The following ITGA8 variants were observed in gnomAD, a reference collection of about 807,000 sequenced individuals.
ITGA8 encodes the protein integrin alpha-8.
In ITGA8, 91 loss-of-function variants were observed where a neutral mutation model predicts 142.3. That is an observed-to-expected ratio of 0.64 (90% CI 0.54 to 0.76). ITGA8 has a LOEUF of 0.76. Ranked by LOEUF, ITGA8 falls within the 30% of genes least tolerant of loss-of-function variation. The pLI, the probability that ITGA8 is intolerant of heterozygous loss-of-function variation, is 0.00. For synonymous variants in ITGA8, 505 were observed against 485.2 expected (o/e 1.04, Z -0.54); for missense variants, 1,406 against 1,327.7 (o/e 1.06, Z -0.92).
intron 26 of ITGA8, among the ~76,000 whole-genome samples, chr10:15,548,994 C>T (rs560775408): frequency 4.5e-4 from 69 of 152,156 alleles, no homozygotes; most frequent in African/African-American, 1.7e-3. Context: ...TGTTCCATAA[C>T]GTTCTTCTGT....
At chr10:15,529,479 C>A (rs966344702) in intron 28 of ITGA8, among the ~76,000 whole-genome samples, 3 of 152,132 alleles carry the variant, frequency 2.0e-5, no homozygotes, top group Non-Finnish European at 4.4e-5. Context: ...ATCTTGAAAA[C>A]CTTGGATTTT....
Position 15,578,399 on chromosome 10 carries a change from A to G in ITGA8, c.2373-2805T>C, listed in dbSNP as rs115945172. On this transcript the variant is annotated intron_variant, in intron 23 of 29. Transcript: ENST00000378076. ...GGGATGGATGTACCATGATTTGTTT[A>G]ACTATCAACCCATCAAAGGACATTT... Among the ~76,000 whole-genome samples, 1,453 of 152,258 alleles carry G rather than the reference A, an allele frequency of 9.5e-3. 26 individuals carry two copies. Among genetic ancestry groups the G allele is most frequent in the African/African-American group, 0.032 (1,345 of 41,552 alleles).
At chr10:15,599,875 C>T (rs1039032655) in intron 20 of ITGA8, among the ~76,000 whole-genome samples, 45 of 151,984 alleles carry the variant, frequency 3.0e-4, no homozygotes, top group African/African-American at 9.7e-4. Flanking sequence ...GAGCTGAGAT[C>T]GCGCCATTGC....
intron 10 of ITGA8, among the ~76,000 whole-genome samples, chr10:15,657,510 A>ATTTTTTTTTTTTTT (rs34510305): frequency 1.5e-5 from 2 of 132,496 alleles, no homozygotes; most frequent in African/African-American, 5.7e-5. Flanking sequence ...CTTTTCTTTC[A>ATTTTTTTTTTTTTT]TTTTTTTTTT....
At chr10:15,551,922 C>T (rs963555260) in intron 26 of ITGA8, among the ~76,000 whole-genome samples, 2 of 152,066 alleles carry the variant, frequency 1.3e-5, no homozygotes, top group Non-Finnish European at 2.9e-5. Flanking sequence ...CAAGAACTGC[C>T]TTGGCCTTCA....
intron 2 of ITGA8, among the ~76,000 whole-genome samples, chr10:15,709,669 C>T (rs755848754): frequency 6.6e-6 from 1 of 152,142 alleles, no homozygotes; most frequent in Non-Finnish European, 1.5e-5. Context: ...GAACTGATTG[C>T]AGTATAAATA....
chr10:15,665,139 G>A (rs77523805), intron 8 of ITGA8, among the ~76,000 whole-genome samples: 14,896 of 152,148 alleles, frequency 0.098, 927 homozygotes, highest in East Asian at 0.29. Context: ...CCAACAGTGT[G>A]AAAGTGTTCC....
In ITGA8 at chr10:15,651,818, T is replaced by G. The variant is rs1012077977; in HGVS notation, c.1001+3536A>C. Among the ~76,000 whole-genome samples the G allele has an allele frequency of 8.5e-5, 13 of 152,282 alleles. 1 individual carries two copies. In the Middle Eastern group the frequency reaches 0.014, roughly 160 times the overall value. On this transcript the variant is annotated intron_variant, in intron 11 of 29. Transcript: ENST00000378076. ...TATCACCATTGTTGTAATTTCAGAC[T>G]TCACTTGAGTTGTCTATCTGGCATC...
chr10:15,530,329 C>G (rs934515641), intron 28 of ITGA8, among the ~76,000 whole-genome samples: 3 of 151,990 alleles, frequency 2.0e-5, no homozygotes, highest in African/African-American at 7.2e-5. Context: ...GGGCGGATCA[C>G]AAGTTCAGGA....
intron 27 of ITGA8, among the ~76,000 whole-genome samples, chr10:15,534,014 C>A (rs995099758): frequency 4.6e-5 from 7 of 151,954 alleles, no homozygotes; most frequent in African/African-American, 1.7e-4. Context: ...TCAAGTGATT[C>A]TCCTGCCTCA....
chr10:15,595,789 G>A (rs1489795100), intron 21 of ITGA8, among the ~76,000 whole-genome samples: 2 of 152,142 alleles, frequency 1.3e-5, no homozygotes, highest in Non-Finnish European at 2.9e-5. Flanking sequence ...ATTGAGGCTG[G>A]GCTCGGTGGC....
At chr10:15,591,923 T>TG (rs1832929793) in intron 22 of ITGA8, among the ~76,000 whole-genome samples, 1 of 152,060 alleles carries the variant, frequency 6.6e-6, no homozygotes, top group South Asian at 2.1e-4. Context: ...GGAATTAGGG[T>TG]GGGGAAAGAC....
At chr10:15,548,696 A>AGAAC in intron 26 of ITGA8, 128 bp from the exon 27 acceptor site, 1 of 571,112 alleles carries the variant, frequency 1.8e-6, no homozygotes, top group African/African-American at 2.0e-5. Context: ...ATGTAAATAA[A>AGAAC]GAACAATATA....
intron 2 of ITGA8, among the ~76,000 whole-genome samples, chr10:15,695,098 T>A (rs770523178): frequency 2.0e-5 from 3 of 152,162 alleles, no homozygotes; most frequent in Admixed American, 6.5e-5. Context: ...CAAGATATCC[T>A]TTCTGCCATT....
chr10:15,650,883 T>G (rs183463371), intron 11 of ITGA8, among the ~76,000 whole-genome samples: 9 of 152,322 alleles, frequency 5.9e-5, no homozygotes, highest in African/African-American at 1.9e-4. Flanking sequence ...ATTACAGAAA[T>G]TAATCTACAA....
intron 2 of ITGA8, among the ~76,000 whole-genome samples, chr10:15,699,316 C>T (rs1330802439): frequency 6.6e-6 from 1 of 152,038 alleles, no homozygotes; most frequent in African/African-American, 2.4e-5. Context: ...AAAAACATGG[C>T]ATTATATTTT....
At chr10:15,528,699 G>GA (rs1181253843) in intron 28 of ITGA8, among the ~76,000 whole-genome samples, 2 of 151,704 alleles carry the variant, frequency 1.3e-5, no homozygotes, top group African/African-American at 4.8e-5. Flanking sequence ...CACGTGCTTG[G>GA]AAAAAACAAA....
intron 13 of ITGA8, among the ~76,000 whole-genome samples, chr10:15,619,514 C>T (rs1394568648): frequency 6.6e-6 from 1 of 152,190 alleles, no homozygotes; most frequent in Non-Finnish European, 1.5e-5. Flanking sequence ...CAAAGGGCTA[C>T]ACCTTGGCCA....
chr10:15,608,804 A>C (rs375472995), intron 15 of ITGA8, among the ~76,000 whole-genome samples: 19 of 152,118 alleles, frequency 1.2e-4, no homozygotes, highest in African/African-American at 4.6e-4. Flanking sequence ...AGTCATGCTA[A>C]AAAATGCAGA....
Sources: allele counts gnomAD v4.1 joint callset (sites outside exome capture counted in the v4.1 genomes callset), GRCh38; gene constraint gnomAD v4.1.1; transcripts MANE v1.5; gene names NCBI Gene and HGNC (gene_info 2026-07-23, HGNC 2026-07-21).